The following RCHY1 variants were observed in gnomAD, a reference collection of about 807,000 sequenced individuals.
RCHY1 encodes ring finger and CHY zinc finger domain containing 1, also known as RING finger and CHY zinc finger domain-containing protein 1.
RCHY1 carries 21 observed loss-of-function variants against 41.6 expected under a neutral mutation model. That is an observed-to-expected ratio of 0.51 (90% CI 0.36 to 0.73). The LOEUF (loss-of-function observed/expected upper bound fraction) is 0.73, where lower values mean the gene tolerates loss of function less well. Among genes scored for constraint, RCHY1 ranks in the 30% least tolerant of loss-of-function variants. The pLI, the probability that RCHY1 is intolerant of heterozygous loss-of-function variation, is 0.00. For missense variants in RCHY1, 265 were observed against 325.3 expected (o/e 0.81, Z 1.43); for synonymous variants, 79 against 102.9 (o/e 0.77, Z 1.41).
intron 3 of RCHY1, among the ~76,000 whole-genome samples, chr4:75,497,337 C>G (rs1424333523): frequency 2.0e-5 from 3 of 152,114 alleles, no homozygotes; most frequent in Non-Finnish European, 2.9e-5. Context: ...CTACAGTAAC[C>G]TACTCTAGTA....
intron 3 of RCHY1, among the ~76,000 whole-genome samples, chr4:75,504,971 G>A (rs1560527684): frequency 6.6e-6 from 1 of 152,112 alleles, no homozygotes; most frequent in Non-Finnish European, 1.5e-5. Context: ...AAGATATACT[G>A]CCTACACATT....
At chr4:75,492,077 G>A (rs1189391593) in intron 4 of RCHY1, 144 bp from the exon 5 acceptor site, 2 of 551,394 alleles carry the variant, frequency 3.6e-6, no homozygotes, top group Non-Finnish European at 6.1e-6. Flanking sequence ...TGTAAGAAGA[G>A]TTTTTTAATA....
intron 3 of RCHY1, among the ~76,000 whole-genome samples, chr4:75,496,995 AAT>A (rs1723267887): frequency 1.3e-5 from 2 of 152,114 alleles, no homozygotes; most frequent in Non-Finnish European, 2.9e-5. Flanking sequence ...AAATATGAAA[AAT>A]ATGTTTAAAG....
intron 1 of RCHY1, 87 bp downstream of exon 1, chr4:75,514,110 C>G: frequency 6.5e-7 from 1 of 1,539,550 alleles, no homozygotes; most frequent in Non-Finnish European, 8.9e-7. Context: ...TAACCTCAAA[C>G]TTAAATCCAA....
chr4:75,500,313 T>C (rs981970073), intron 3 of RCHY1, among the ~76,000 whole-genome samples: 1 of 152,216 alleles, frequency 6.6e-6, no homozygotes, highest in Non-Finnish European at 1.5e-5. Flanking sequence ...TGTCTTATAA[T>C]AAGCTCTGGT....
At chr4:75,512,996 T>TG (rs111447343) in intron 1 of RCHY1, among the ~76,000 whole-genome samples, 37,813 of 150,180 alleles carry the variant, frequency 0.25, 5,100 homozygotes, top group African/African-American at 0.34. Flanking sequence ...GTGTGGTTTA[T>TG]GGGGGGCACC....
intron 8 of RCHY1, 88 bp downstream of exon 8, chr4:75,490,493 A>ATAT (rs1553918144): frequency 2.0e-4 from 172 of 843,134 alleles, no homozygotes; most frequent in South Asian, 4.0e-4. Context: ...GTATATATAT[A>ATAT]TTTTTTTTTT....
chr4:75,511,277 CA>C (rs574693921), intron 1 of RCHY1, among the ~76,000 whole-genome samples: 4 of 152,010 alleles, frequency 2.6e-5, no homozygotes, highest in East Asian at 3.9e-4. Flanking sequence ...AAAATCTCAC[CA>C]AAAAAAGTCT....
intron 3 of RCHY1, among the ~76,000 whole-genome samples, chr4:75,506,918 G>A (rs1724373759): frequency 6.6e-6 from 1 of 151,980 alleles, no homozygotes; most frequent in Non-Finnish European, 1.5e-5. Context: ...CTTCAAAGAA[G>A]CAATAATAAT....
intron 8 of RCHY1, among the ~76,000 whole-genome samples, chr4:75,486,181 C>G (rs1721983506): frequency 6.6e-6 from 1 of 152,120 alleles, no homozygotes; most frequent in Non-Finnish European, 1.5e-5. Flanking sequence ...TACGTAAATT[C>G]AGGACTCAGA....
chr4:75,506,711 G>A (rs1296737797), intron 3 of RCHY1, among the ~76,000 whole-genome samples: 3 of 151,068 alleles, frequency 2.0e-5, no homozygotes, highest in Admixed American at 6.6e-5. Flanking sequence ...GTGGGAAAAC[G>A]GTACAGAAAC....
intron 1 of RCHY1, among the ~76,000 whole-genome samples, chr4:75,511,322 A>G (rs1578243512): frequency 6.6e-6 from 1 of 152,194 alleles, no homozygotes; most frequent in Admixed American, 6.5e-5. Flanking sequence ...AAAGCTAGTA[A>G]AAGTTTTCCA....
chr4:75,514,253 C>A lies in RCHY1; in HGVS notation c.34G>T (p.Gly12Cys), dbSNP rs780544022. Residue 12 changes from glycine to cysteine, a missense_variant, in exon 1 of 9, where the codon GGT becomes TGT. Physicochemically the swap from Gly to Cys is radical, Grantham distance 159. Coordinates refer to ENST00000324439, the MANE Select transcript of RCHY1 (RefSeq NM_015436.4). ...CAGCCCCGCTGACCTCGCTCTTGAC[C>A]GCTGGCGCCATCTTCCCGGGCCGTC... ...AATAREDGAS[G>C]QERGQRGCEH... The A allele has an allele frequency of 6.8e-6, 11 of 1,612,746 alleles. No individual in the cohort carries two copies. The East Asian group carries it at 1.8e-4, about 26-fold the overall frequency.
At chr4:75,487,824 A>AAT (rs1288170597) in intron 8 of RCHY1, among the ~76,000 whole-genome samples, 10 of 54,544 alleles carry the variant, frequency 1.8e-4, no homozygotes, top group Admixed American at 6.5e-4. Flanking sequence ...ATATATTCAT[A>AAT]ATATATATAT....
rs1379145296 is a variant in RCHY1, at chr4:75,508,938, A to AAAAAAG, written c.211-9_211-4dup. 1 of 1,573,588 alleles carries AAAAAAG rather than the reference A, an allele frequency of 6.4e-7. No individual in the cohort carries two copies. Among genetic ancestry groups the AAAAAAG allele is most frequent in the Non-Finnish European group, 8.6e-7 (1 of 1,157,620 alleles). On this transcript the variant is annotated splice_region_variant and splice_polypyrimidine_tract_variant and intron_variant, in intron 2 of 8. Coordinates refer to ENST00000324439, the MANE Select transcript of RCHY1 (RefSeq NM_015436.4). Reference sequence around the variant, plus strand: ...CATTCTTCACAAGTCTGTTGGGCCTAAAAAAGAAACATAATTAAAAACTGC... The same window carrying AAAAAAG: ...CATTCTTCACAAGTCTGTTGGGCCTAAAAAAGAAAAAGAAACATAATTAAAAACTGC...
chr4:75,510,068 C>T (rs1724721010), intron 1 of RCHY1, among the ~76,000 whole-genome samples: 1 of 152,096 alleles, frequency 6.6e-6, no homozygotes, highest in South Asian at 2.1e-4. Flanking sequence ...AATCATCAAC[C>T]TCATATCTAA....
At chr4:75,487,875 T>G (rs1426086950) in intron 8 of RCHY1, among the ~76,000 whole-genome samples, 2 of 131,654 alleles carry the variant, frequency 1.5e-5, no homozygotes, top group Non-Finnish European at 3.1e-5. Flanking sequence ...ATAATATATA[T>G]TCATAATATA....
At chr4:75,491,062 C>A (rs574613110) in intron 7 of RCHY1, 1 of 164,090 alleles carries the variant, frequency 6.1e-6, no homozygotes, top group South Asian at 2.0e-4. Context: ...TAAAATTATT[C>A]AGATATTATT....
At chr4:75,507,489 C>A (rs1406569824) in intron 3 of RCHY1, among the ~76,000 whole-genome samples, 1 of 151,978 alleles carries the variant, frequency 6.6e-6, no homozygotes, top group African/African-American at 2.4e-5. Flanking sequence ...TAGATTGAAA[C>A]ACGAACATAT....
Sources: gnomAD v4.1 joint callset for allele counts (sites outside exome capture counted in the v4.1 genomes callset) on GRCh38, gnomAD v4.1.1 for gene constraint, MANE v1.5 for transcripts, NCBI Gene and HGNC (gene_info 2026-07-23, HGNC 2026-07-21) for gene names.